The following COL23A1 variants were observed in gnomAD, a reference collection of about 807,000 sequenced individuals.
COL23A1 encodes collagen alpha-1(XXIII) chain.
In COL23A1, 97 loss-of-function variants were observed where a neutral mutation model predicts 99.3. That is an observed-to-expected ratio of 0.98 (90% CI 0.83 to 1.16). COL23A1 has a LOEUF of 1.16. Among genes scored for constraint, COL23A1 ranks in the 50% most tolerant of loss-of-function variants. COL23A1 has a pLI of 0.00. For missense variants in COL23A1, 762 were observed against 757.4 expected, an observed-to-expected ratio of 1.01 and a Z score of -0.07; for synonymous variants, 320 against 308.2, an observed-to-expected ratio of 1.04 and a Z score of -0.40.
intron 2 of COL23A1, among the ~76,000 whole-genome samples, chr5:178,369,848 C>T (rs553168664): frequency 6.6e-6 from 1 of 152,296 alleles, no homozygotes; most frequent in Non-Finnish European, 1.5e-5. Context: ...CAGACTAACA[C>T]AGTTCAGCAG....
chr5:178,420,693 C>G (rs1282105438), intron 2 of COL23A1, among the ~76,000 whole-genome samples: 1 of 96,294 alleles, frequency 1.0e-5, no homozygotes, highest in African/African-American at 4.2e-5. Context: ...CCCCCACTTT[C>G]CCCCTCCCCT....
chr5:178,301,035 T>TCG, intron 3 of COL23A1, among the ~76,000 whole-genome samples: 1 of 47,520 alleles, frequency 2.1e-5, no homozygotes, highest in Middle Eastern at 0.01. Flanking sequence ...TGTTTCTTTC[T>TCG]CTCCTCTGCT....
rs1017976758 is a variant in COL23A1, at chr5:178,258,258, T to C, written c.730-691A>G. ...TAAAATATATATATATATATATATA[T>C]ATATACACATGCAAATCAATTCTAG... On this transcript the variant is annotated intron_variant, in intron 12 of 28. Coordinates refer to ENST00000390654, the MANE Select transcript of COL23A1 (RefSeq NM_173465.4). 1.5e-4 allele frequency among the ~76,000 whole-genome samples: 19 copies of C among 123,070 alleles called. 1 individual carries two copies. The highest frequency in any genetic ancestry group is 2.2e-4 in the East Asian group (1 of 4,476). 80.7% of individuals were successfully genotyped at this position (123,070 alleles called of 152,430 possible). A position where few individuals can be genotyped will look rare whatever the true frequency, so the allele number is the denominator to read the frequency against.
chr5:178,284,868 C>A (rs1274087340), intron 5 of COL23A1, among the ~76,000 whole-genome samples: 1 of 152,090 alleles, frequency 6.6e-6, no homozygotes, highest in East Asian at 1.9e-4. Flanking sequence ...ATTTTTAAAG[C>A]AATAAATATA....
intron 2 of COL23A1, among the ~76,000 whole-genome samples, chr5:178,485,779 C>A (rs1487474573): frequency 4.4e-3 from 441 of 99,266 alleles, no homozygotes; most frequent in South Asian, 7.1e-3. Context: ...GACTCCATCT[C>A]AAAAAAAAAA....
chr5:178,476,123 CCT>C (rs1554180773), intron 2 of COL23A1, among the ~76,000 whole-genome samples: 15 of 152,116 alleles, frequency 9.9e-5, no homozygotes, highest in African/African-American at 2.9e-4. Context: ...GTGAATGTCC[CCT>C]GATTTCTACT....
chr5:178,571,873 T>C (rs943069450), intron 1 of COL23A1, among the ~76,000 whole-genome samples: 16 of 151,846 alleles, frequency 1.1e-4, no homozygotes, highest in Admixed American at 6.6e-5. Context: ...ATTGAGACCA[T>C]CCTGGCTAAC....
rs1228705209 is a variant in COL23A1, at chr5:178,248,261, G to A, written c.1150-7C>T. ...CCTTGAGGCCGTCAGCGCCCTGCAG[G>A]ACGGCAATGGCCTGTGAGTCCTTTG... On this transcript the variant is annotated splice_region_variant and splice_polypyrimidine_tract_variant and intron_variant, in intron 19 of 28. Coordinates refer to ENST00000390654, the MANE Select transcript of COL23A1 (RefSeq NM_173465.4). 11 of 1,610,520 alleles carry A rather than the reference G, an allele frequency of 6.8e-6. No individual in the cohort carries two copies. Among genetic ancestry groups the A allele is most frequent in the Non-Finnish European group, 8.5e-6 (10 of 1,177,210 alleles).
chr5:178,521,589 T>A (rs972121619), intron 2 of COL23A1, among the ~76,000 whole-genome samples: 3 of 151,680 alleles, frequency 2.0e-5, no homozygotes, highest in Non-Finnish European at 4.4e-5. Flanking sequence ...AAGCCAACAT[T>A]TAAGAATGAG....
In COL23A1 at chr5:178,400,224, G is replaced by A. The variant is rs1324239216; in HGVS notation, c.362-93305C>T. On this transcript the variant is annotated intron_variant, in intron 2 of 28. Transcript: ENST00000390654. Reference sequence around the variant, plus strand: ...TACTAAAAATACAAAAAAATTAGCCGGGCGTGGTGGCGGGCGCCTGTAGCC... The same window carrying A: ...TACTAAAAATACAAAAAAATTAGCCAGGCGTGGTGGCGGGCGCCTGTAGCC... Among the ~76,000 whole-genome samples the A allele has an allele frequency of 5.3e-5, 8 of 152,036 alleles. No homozygotes were observed. The East Asian group carries it at 5.8e-4, about 11-fold the overall frequency.
chr5:178,358,011 T>C (rs919101838), intron 2 of COL23A1, among the ~76,000 whole-genome samples: 3 of 121,868 alleles, frequency 2.5e-5, no homozygotes, highest in Non-Finnish European at 3.4e-5. Context: ...TATGTATGTG[T>C]GTGTATGTGT....
chr5:178,451,605 C>T (rs1027225471), intron 2 of COL23A1, among the ~76,000 whole-genome samples: 3 of 137,486 alleles, frequency 2.2e-5, no homozygotes, highest in Admixed American at 8.1e-5. Flanking sequence ...TGCAGTGAGC[C>T]GAGATCTCAT....
At chr5:178,465,768 C>T (rs1025609844) in intron 2 of COL23A1, among the ~76,000 whole-genome samples, 5 of 152,190 alleles carry the variant, frequency 3.3e-5, no homozygotes, top group Admixed American at 1.3e-4. Context: ...GTGCTACACA[C>T]GGTAAAGAAG....
In COL23A1 at chr5:178,544,753, C is replaced by T. The variant is rs536873438; in HGVS notation, c.361+15929G>A. 8.5e-5 allele frequency among the ~76,000 whole-genome samples: 13 copies of T among 152,240 alleles called. 1 individual carries two copies. In the South Asian group the frequency reaches 2.7e-3, roughly 32 times the overall value. On this transcript the variant is annotated intron_variant, in intron 2 of 28. Coordinates refer to ENST00000390654, the MANE Select transcript of COL23A1 (RefSeq NM_173465.4). The surrounding 1 kb of genome is among the most constrained non-coding windows in gnomAD (Gnocchi z 4.4). The stretch of plus-strand genomic sequence containing the variant: ...CTCAGCCTCCAGGTCACCTGCTGCC[C>T]CCGTGCCACTGGGGTAGTACGTTCG...
At chr5:178,554,564 G>A (rs1762170324) in intron 2 of COL23A1, among the ~76,000 whole-genome samples, 1 of 152,208 alleles carries the variant, frequency 6.6e-6, no homozygotes, top group Non-Finnish European at 1.5e-5. Context: ...GTCACCGGAA[G>A]AGTCTGGTCA....
In COL23A1 at chr5:178,387,079, C is replaced by G. The variant is rs1375561454; in HGVS notation, c.362-80160G>C. ...CTGTCCGACTTCCTGGCACTCTGCA[C>G]CCCCACCTTATTTCTCTCCCACGGC... On this transcript the variant is annotated intron_variant, in intron 2 of 28. Coordinates refer to ENST00000390654, the MANE Select transcript of COL23A1 (RefSeq NM_173465.4). The surrounding 1 kb of genome is among the most constrained non-coding windows in gnomAD (Gnocchi z 4.7). 6.6e-6 allele frequency among the ~76,000 whole-genome samples: 1 copy of G among 152,088 alleles called. No homozygotes were observed. The highest frequency in any genetic ancestry group is 1.5e-5 in the Non-Finnish European group (1 of 68,014).
chr5:178,580,475 T>G (rs1313861143), intron 1 of COL23A1, among the ~76,000 whole-genome samples: 1 of 152,136 alleles, frequency 6.6e-6, no homozygotes, highest in East Asian at 1.9e-4. Context: ...CTTTTTTTTT[T>G]TTCCCCAATG....
chr5:178,450,977 T>C (rs1327712328), intron 2 of COL23A1, among the ~76,000 whole-genome samples: 1 of 152,236 alleles, frequency 6.6e-6, no homozygotes, highest in Non-Finnish European at 1.5e-5. Context: ...AAGAACGTAC[T>C]ACTTAAGTCA....
chr5:178,285,756 G>A lies in COL23A1; in HGVS notation c.441+2568C>T, dbSNP rs889555838. Among the ~76,000 whole-genome samples, 7 of 152,334 alleles carry A rather than the reference G, an allele frequency of 4.6e-5. No individual in the cohort carries two copies. The East Asian group carries it at 1.4e-3, about 29-fold the overall frequency. The stretch of plus-strand genomic sequence containing the variant: ...CGAGGTGGCCCAGGCCCTTCAGCAC[G>A]AGGCAGTCACCCCAGCCTCTGGGAT... On this transcript the variant is annotated intron_variant, in intron 5 of 28. Transcript: ENST00000390654.
Sources: gnomAD v4.1 joint callset for allele counts (sites outside exome capture counted in the v4.1 genomes callset) on GRCh38, gnomAD v4.1.1 for gene constraint, Gnocchi (gnomAD v3.1) non-coding constraint, MANE v1.5 for transcripts, NCBI Gene and HGNC (gene_info 2026-07-23, HGNC 2026-07-21) for gene names.